Variants in TCOF1 observed in about 807,000 individuals in gnomAD.
TCOF1 encodes the protein treacle protein.
TCOF1 carries 33 observed loss-of-function variants against 149.0 expected under a neutral mutation model. The ratio of observed to expected loss-of-function variants is 0.22; its 90% confidence interval spans 0.17 to 0.30. The LOEUF (loss-of-function observed/expected upper bound fraction) is 0.30. Ranked by LOEUF, TCOF1 falls within the 10% of genes least tolerant of loss-of-function variation. The probability of loss-of-function intolerance (pLI) is 1.00; values close to 1 mark genes in which losing one functional copy is unlikely to be tolerated. For synonymous variants in TCOF1, 789 were observed against 738.8 expected (o/e 1.07, Z -1.10); for missense variants, 1,728 against 1,840.7 (o/e 0.94, Z 1.12).
chr5:150,363,352 C>T (rs939849183), intron 2 of TCOF1, among the ~76,000 whole-genome samples: 2 of 152,194 alleles, frequency 1.3e-5, no homozygotes, highest in African/African-American at 4.8e-5. Flanking sequence ...CAGAGTCCAT[C>T]GCAGCTGGGA....
chr5:150,359,334 G>C (rs1466252823), intron 1 of TCOF1, among the ~76,000 whole-genome samples: 2 of 149,958 alleles, frequency 1.3e-5, no homozygotes, highest in South Asian at 4.4e-4. Context: ...GTGACAAGGC[G>C]AGACTCCATC....
rs764395093 is a variant in TCOF1, at chr5:150,378,946, A to G, written c.2382A>G (p.Pro794=). Residue 794 remains proline, a synonymous_variant, in exon 15 of 27, where the codon CCA becomes CCG. Transcript: ENST00000643257. ...AGAAAACCCAGGCCAAAGCCAACCCAGCTGCCGCCAGAGCACCTTCAGCAA... is the reference window on the plus strand; with the variant it reads ...AGAAAACCCAGGCCAAAGCCAACCCGGCTGCCGCCAGAGCACCTTCAGCAA... ...SVKKTQAKAN[P]AAARAPSAKG... is the part of the protein sequence containing the mutation. 1 of 1,614,120 alleles carries G rather than the reference A, an allele frequency of 6.2e-7. No individual in the cohort carries two copies. Among genetic ancestry groups the G allele is most frequent in the South Asian group, 1.1e-5 (1 of 91,082 alleles).
At chr5:150,378,860 C>A (rs1326841383) in intron 14 of TCOF1, 45 bp from the exon 15 acceptor site, 2 of 1,613,714 alleles carry the variant, frequency 1.2e-6, no homozygotes, top group Admixed American at 3.3e-5. Context: ...AGCTGCTTTA[C>A]TCAATCTCAC....
rs140126499 is a variant in TCOF1, at chr5:150,379,265, G to A, written c.2515G>A (p.Val839Ile). 338 of 1,614,084 alleles carry A rather than the reference G, an allele frequency of 2.1e-4. No individual in the cohort carries two copies. Among genetic ancestry groups the A allele is most frequent in the Non-Finnish European group, 2.6e-4 (311 of 1,180,046 alleles). ...AGTGAGAAACCCCCAGAACAGTACC[G>A]TCTTGGCGAGGGGCCCAGCATCTGT... is the stretch of plus-strand genomic sequence containing the variant. ...PPVRNPQNSTVLARGPASVPS... is the reference protein window; with the variant it reads ...PPVRNPQNSTILARGPASVPS... The change falls in exon 16 of 27, where the codon GTC becomes ATC. Residue 839 changes from valine (V) to isoleucine (I), a missense_variant. Around this residue, in one of 2 missense-constraint regions of TCOF1, gnomAD observed 1,696 missense variants for 1,765.4 expected, o/e 0.96. Coordinates refer to ENST00000643257, the MANE Select transcript of TCOF1 (RefSeq NM_001371623.1).
intron 7 of TCOF1, among the ~76,000 whole-genome samples, chr5:150,372,522 C>A (rs933778893): frequency 6.6e-6 from 1 of 152,228 alleles, no homozygotes; most frequent in Non-Finnish European, 1.5e-5. Context: ...CCTCTGACTT[C>A]TCAGGACAAA....
intron 2 of TCOF1, among the ~76,000 whole-genome samples, chr5:150,363,119 C>T (rs1279079016): frequency 2.0e-5 from 3 of 152,148 alleles, no homozygotes; most frequent in Non-Finnish European, 4.4e-5. Flanking sequence ...ACTTCCTGCA[C>T]CCGCCTCAGT....
chr5:150,370,064 T>C (rs967976920), intron 6 of TCOF1, among the ~76,000 whole-genome samples: 1 of 152,170 alleles, frequency 6.6e-6, no homozygotes, highest in Admixed American at 6.5e-5. Context: ...TGGCTAGAGT[T>C]GGGCAGGACT....
chr5:150,384,142 T>C, intron 17 of TCOF1: 1 of 1,088,748 alleles, frequency 9.2e-7, no homozygotes, highest in Non-Finnish European at 1.1e-6. Flanking sequence ...CACATTGTTA[T>C]CAATTCATCA....
rs772480162 is a variant in TCOF1, at chr5:150,376,203, C to G, written c.2015C>G (p.Ala672Gly). Residue 672 changes from alanine (A) to glycine (G), a missense_variant, in exon 13 of 27, where the codon GCG becomes GGG. Around this residue, in one of 2 missense-constraint regions of TCOF1, gnomAD observed 1,696 missense variants for 1,765.4 expected, o/e 0.96. Transcript: ENST00000643257. Reference protein sequence around the residue: ...GTQAPRKAGTATSPAGSSPAV... With the variant: ...GTQAPRKAGTGTSPAGSSPAV... Reference sequence around the variant, plus strand: ...CAAGCCCCCCGGAAAGCAGGAACTGCGACTTCTCCAGCAGGCTCATCCCCA... The same window carrying G: ...CAAGCCCCCCGGAAAGCAGGAACTGGGACTTCTCCAGCAGGCTCATCCCCA... The G allele has an allele frequency of 3.1e-6, 5 of 1,614,090 alleles. No individual in the cohort carries two copies. Among genetic ancestry groups the G allele is most frequent in the Non-Finnish European group, 2.5e-6 (3 of 1,180,034 alleles).
intron 23 of TCOF1, among the ~76,000 whole-genome samples, chr5:150,395,107 A>G (rs115710082): frequency 1.4e-4 from 22 of 152,178 alleles, no homozygotes; most frequent in African/African-American, 5.1e-4. Flanking sequence ...TGCCCTGCCC[A>G]GTCCACCTCC....
At chr5:150,396,874 G>A (rs919857952) in intron 24 of TCOF1, 32 bp downstream of exon 24, 34 of 1,566,476 alleles carry the variant, frequency 2.2e-5, no homozygotes, top group East Asian at 4.7e-5. Flanking sequence ...CCCACCCCAA[G>A]GGCTGCTGGG....
At chr5:150,366,984 A>T (rs1761495884) in intron 3 of TCOF1, among the ~76,000 whole-genome samples, 1 of 151,370 alleles carries the variant, frequency 6.6e-6, no homozygotes, top group Admixed American at 6.6e-5. Flanking sequence ...AAGAAATCTG[A>T]GATTTAAGGA....
chr5:150,384,990 C>T (rs1765983455), intron 17 of TCOF1: 1 of 985,410 alleles, frequency 1.0e-6, no homozygotes, highest in Non-Finnish European at 1.2e-6. Context: ...CACTGTGCCT[C>T]CGCCCTGTTG....
At position 150,368,755 on chromosome 5, in the gene TCOF1, C is replaced by T; in HGVS notation, c.418C>T (p.Pro140Ser). 1 of 1,614,120 alleles carries T rather than the reference C, an allele frequency of 6.2e-7. No homozygotes were observed. The highest frequency in any genetic ancestry group is 8.5e-7 in the Non-Finnish European group (1 of 1,180,038). ...AGCTGGCAAGACTGGGAATTCCATG[C>T]CACACCCTGCCACTGGGAAGACGGT... The part of the protein sequence containing the change: ...EKAGKTGNSM[P>S]HPATGKTVAN... Residue 140 changes from proline to serine, a missense_variant, in exon 5 of 27, where the codon CCA (proline) becomes TCA (serine). Pro to Ser is a moderately conservative substitution (Grantham distance 74). Transcript: ENST00000643257.
chr5:150,361,271 A>C, intron 2 of TCOF1, 60 bp downstream of exon 2: 1 of 1,584,612 alleles, frequency 6.3e-7, no homozygotes, highest in Non-Finnish European at 8.7e-7. Context: ...CTCAGCTTGG[A>C]ATAAGCTGGG....
intron 23 of TCOF1, chr5:150,393,816 C>A: frequency 2.0e-6 from 1 of 497,568 alleles, no homozygotes; most frequent in East Asian, 3.8e-5. Context: ...GAGTTCAAGG[C>A]CAGCCTGGGC....
intron 21 of TCOF1, 105 bp from the exon 22 acceptor site, chr5:150,392,600 G>A: frequency 9.3e-7 from 1 of 1,080,106 alleles, no homozygotes; most frequent in Non-Finnish European, 1.4e-6. Flanking sequence ...GCAGGGGATG[G>A]GGGTGAGGGA....
intron 14 of TCOF1, among the ~76,000 whole-genome samples, chr5:150,377,446 C>T (rs1764064216): frequency 6.6e-6 from 1 of 152,226 alleles, no homozygotes; most frequent in Non-Finnish European, 1.5e-5. Context: ...GTGAGGTCTC[C>T]AAGCCTGGAA....
chr5:150,369,168 G>A (rs1010760385), intron 5 of TCOF1, among the ~76,000 whole-genome samples: 2 of 152,222 alleles, frequency 1.3e-5, no homozygotes, highest in African/African-American at 4.8e-5. Context: ...ACAACTGGCA[G>A]CTCAGAGACT....
Sources: gnomAD v4.1 joint callset for allele counts (sites outside exome capture counted in the v4.1 genomes callset) on GRCh38, gnomAD v4.1.1 for gene constraint, gnomAD v4.1.1 regional missense constraint, MANE v1.5 for transcripts, NCBI Gene and HGNC (gene_info 2026-07-23, HGNC 2026-07-21) for gene names.